The following ASAP1 variants were observed in gnomAD, a reference collection of about 807,000 sequenced individuals.
ASAP1 encodes ArfGAP with SH3 domain, ankyrin repeat and PH domain 1, also known as arf-GAP with SH3 domain, ANK repeat and PH domain-containing protein 1.
ASAP1 carries 43 observed loss-of-function variants against 145.2 expected under a neutral mutation model. That is an observed-to-expected ratio of 0.30 (90% CI 0.23 to 0.38). The LOEUF (loss-of-function observed/expected upper bound fraction) is 0.38, where lower values mean the gene tolerates loss of function less well. Among genes scored for constraint, ASAP1 ranks in the 10% least tolerant of loss-of-function variants. The pLI, the probability that ASAP1 is intolerant of heterozygous loss-of-function variation, is 1.00. For missense variants in ASAP1, 1,018 were observed against 1,355.3 expected (o/e 0.75, Z 3.91); for synonymous variants, 546 against 515.5 (o/e 1.06, Z -0.80).
intron 28 of ASAP1, 54 bp downstream of exon 28, chr8:130,060,525 A>C: frequency 7.8e-6 from 12 of 1,529,580 alleles, no homozygotes; most frequent in Non-Finnish European, 9.6e-6. Flanking sequence ...CCCTCCCACC[A>C]ACTTGCAAAG....
At chr8:130,422,251 A>C (rs1345592421) in intron 1 of ASAP1, among the ~76,000 whole-genome samples, 1 of 152,154 alleles carries the variant, frequency 6.6e-6, no homozygotes, top group African/African-American at 2.4e-5. Context: ...GAGGAAAGGG[A>C]AGAAGGGGGC....
At chr8:130,055,309 A>G (rs890555958) in intron 29 of ASAP1, among the ~76,000 whole-genome samples, 67 of 152,178 alleles carry the variant, frequency 4.4e-4, no homozygotes, top group African/African-American at 1.5e-3. Flanking sequence ...AAAAAAAAAA[A>G]AAAAGCAAAT....
intron 3 of ASAP1, among the ~76,000 whole-genome samples, chr8:130,243,880 C>T (rs1032321884): frequency 6.6e-6 from 1 of 152,092 alleles, no homozygotes; most frequent in Non-Finnish European, 1.5e-5. Flanking sequence ...TATGCTCCTG[C>T]GTTTATGATC....
chr8:130,312,224 C>A (rs1403764116), intron 3 of ASAP1, among the ~76,000 whole-genome samples: 1 of 151,376 alleles, frequency 6.6e-6, no homozygotes, highest in Non-Finnish European at 1.5e-5. Flanking sequence ...CTGTAGTGAG[C>A]TGTGATCACG....
At chr8:130,399,098 G>C (rs142499107) in intron 2 of ASAP1, among the ~76,000 whole-genome samples, 3 of 152,302 alleles carry the variant, frequency 2.0e-5, no homozygotes, top group African/African-American at 7.2e-5. Context: ...TAAAGGATGG[G>C]ACGTGCCTTT....
chr8:130,119,246 A>G (rs544564897), intron 18 of ASAP1, among the ~76,000 whole-genome samples: 2 of 152,232 alleles, frequency 1.3e-5, no homozygotes, highest in African/African-American at 4.8e-5. Flanking sequence ...GTACCCGGCC[A>G]TAACTCTCTA....
At chr8:130,143,662 G>C (rs568212832) in intron 13 of ASAP1, among the ~76,000 whole-genome samples, 1 of 152,134 alleles carries the variant, frequency 6.6e-6, no homozygotes, top group Non-Finnish European at 1.5e-5. Context: ...TGTTTAGCTA[G>C]GAAAATCATC....
chr8:130,256,248 T>G (rs535994346), intron 3 of ASAP1, among the ~76,000 whole-genome samples: 35 of 152,184 alleles, frequency 2.3e-4, no homozygotes, highest in Non-Finnish European at 4.9e-4. Flanking sequence ...AGATGCACAC[T>G]AACACTTCAG....
intron 1 of ASAP1, among the ~76,000 whole-genome samples, chr8:130,439,978 C>T (rs1265180420): frequency 6.6e-6 from 1 of 152,174 alleles, no homozygotes; most frequent in Non-Finnish European, 1.5e-5. Flanking sequence ...GTCTTCCTGT[C>T]TCCCACAACA....
At chr8:130,141,966 C>G (rs1401014825) in intron 13 of ASAP1, among the ~76,000 whole-genome samples, 1 of 152,166 alleles carries the variant, frequency 6.6e-6, no homozygotes, top group African/African-American at 2.4e-5. Flanking sequence ...GATCCTCCTG[C>G]CTCAGCCTCT....
chr8:130,181,395 T>TA (rs1392551936), intron 7 of ASAP1, among the ~76,000 whole-genome samples: 1 of 152,116 alleles, frequency 6.6e-6, no homozygotes, highest in Non-Finnish European at 1.5e-5. Context: ...CACTTTATAA[T>TA]AAAAAAAGAA....
At chr8:130,230,993 G>A (rs1248955186) in intron 4 of ASAP1, among the ~76,000 whole-genome samples, 1 of 152,104 alleles carries the variant, frequency 6.6e-6, no homozygotes, top group African/African-American at 2.4e-5. Flanking sequence ...TCAAGTTTGA[G>A]GAAATACTTA....
At chr8:130,391,796 A>C (rs1202676826) in intron 2 of ASAP1, among the ~76,000 whole-genome samples, 3 of 152,268 alleles carry the variant, frequency 2.0e-5, no homozygotes, top group African/African-American at 7.2e-5. Context: ...CTTTTTAGAG[A>C]GAGCTCCTGT....
At chr8:130,211,980 G>T (rs1435346840) in intron 5 of ASAP1, among the ~76,000 whole-genome samples, 5 of 152,156 alleles carry the variant, frequency 3.3e-5, no homozygotes, top group Non-Finnish European at 7.4e-5. Flanking sequence ...CTCAGCTGGG[G>T]GCTGCAGGTG....
At chr8:130,073,946 C>T (rs1054644794) in intron 27 of ASAP1, among the ~76,000 whole-genome samples, 9 of 152,020 alleles carry the variant, frequency 5.9e-5, no homozygotes, top group African/African-American at 2.2e-4. Flanking sequence ...TGAACAAACA[C>T]GAGGGGATGG....
intron 3 of ASAP1, among the ~76,000 whole-genome samples, chr8:130,299,868 C>T (rs1822516004): frequency 6.6e-6 from 1 of 151,904 alleles, no homozygotes; most frequent in Admixed American, 6.6e-5. Context: ...CAATGAAAAA[C>T]ATCAAGATAA....
In ASAP1 at chr8:130,374,886, C is replaced by A. The variant is rs1282445445; in HGVS notation, c.60-16743G>T. ...GTGGTGTCGCTGTTCACAGAGCCCC[C>A]AAACACAAGACATCCAAGACTACCT... is the stretch of plus-strand genomic sequence containing the variant. On this transcript the variant is annotated intron_variant, in intron 2 of 29. Transcript: ENST00000518721. Among the ~76,000 whole-genome samples the A allele has an allele frequency of 3.3e-5, 5 of 152,150 alleles. No homozygotes were observed. The East Asian group carries it at 9.6e-4, about 29-fold the overall frequency.
intron 3 of ASAP1, among the ~76,000 whole-genome samples, chr8:130,355,811 T>C (rs539529681): frequency 6.6e-6 from 1 of 152,324 alleles, no homozygotes; most frequent in East Asian, 1.9e-4. Context: ...ATGCAAAAAG[T>C]AACCACTCAA....
intron 3 of ASAP1, among the ~76,000 whole-genome samples, chr8:130,251,838 T>C (rs188568901): frequency 2.6e-5 from 4 of 152,308 alleles, no homozygotes; most frequent in Non-Finnish European, 4.4e-5. Context: ...AAATGCATTT[T>C]TTATCCTTCT....
Sources: gnomAD v4.1 joint callset for allele counts (sites outside exome capture counted in the v4.1 genomes callset) on GRCh38, gnomAD v4.1.1 for gene constraint, MANE v1.5 for transcripts, NCBI Gene and HGNC (gene_info 2026-07-23, HGNC 2026-07-21) for gene names.